The following AMACR variants were observed in gnomAD, a reference collection of about 807,000 sequenced individuals.
The protein encoded by AMACR is 2-methylacyl-CoA racemase.
Under a neutral mutation model 22.2 loss-of-function variants are expected in AMACR, and 18 were observed. The observed-to-expected ratio is 0.81, with a 90% confidence interval of 0.56 to 1.20. The LOEUF is 1.20. Ranked by LOEUF, AMACR falls within the 50% of genes most tolerant of loss-of-function variation. AMACR has a pLI of 0.00. For synonymous variants in AMACR, 213 were observed against 191.3 expected, an observed-to-expected ratio of 1.11 and a Z score of -0.94; for missense variants, 499 against 490.6, an observed-to-expected ratio of 1.02 and a Z score of -0.16.
Position 33,988,277 on chromosome 5 carries a change from CA to C in AMACR, c.*815del, listed in dbSNP as rs1468889530. 6.5e-7 allele frequency: 1 copy of C among 1,527,904 alleles called. No individual in the cohort carries two copies. The highest frequency in any genetic ancestry group is 2.0e-5 in the Admixed American group (1 of 50,958). 94.6% of individuals were successfully genotyped at this position (1,527,904 alleles called of 1,614,324 possible). A position where few individuals can be genotyped will look rare whatever the true frequency, so the allele number is the denominator to read the frequency against. The stretch of plus-strand genomic sequence containing the variant: ...TAACTTAACTCAGTCCAAGGAGACA[CA>C]AAACGACTTGCTGGGGGGTCCTGAG... On this transcript the variant is annotated 3_prime_UTR_variant, in exon 5 of 5. Transcript: ENST00000335606.
At chr5:33,999,861 C>T (rs998370124) in intron 3 of AMACR, among the ~76,000 whole-genome samples, 13 of 152,312 alleles carry the variant, frequency 8.5e-5, no homozygotes, top group African/African-American at 2.6e-4. Flanking sequence ...AAGTGGCCTA[C>T]GGCAGTGCCT....
chr5:34,000,131 A>G (rs183057742), intron 3 of AMACR, among the ~76,000 whole-genome samples: 3 of 152,346 alleles, frequency 2.0e-5, no homozygotes, highest in African/African-American at 4.8e-5. Flanking sequence ...TTGAAACACT[A>G]TTGAGGAAAA....
intron 4 of AMACR, among the ~76,000 whole-genome samples, chr5:33,992,140 A>G (rs1459763276): frequency 6.6e-6 from 1 of 152,010 alleles, no homozygotes; most frequent in Admixed American, 6.5e-5. Context: ...CGGCCTCCCA[A>G]AGTGCTGGGA....
intron 1 of AMACR, among the ~76,000 whole-genome samples, chr5:34,006,282 G>C (rs1753975473): frequency 6.6e-6 from 1 of 152,088 alleles, no homozygotes; most frequent in South Asian, 2.1e-4. Context: ...TTCCCTATCA[G>C]CTCATGAGCT....
intron 4 of AMACR, chr5:33,997,273 T>C: frequency 2.6e-6 from 2 of 772,384 alleles, no homozygotes; most frequent in Non-Finnish European, 4.8e-6. Flanking sequence ...ATTCCCACTA[T>C]TTAGTTTTCT....
chr5:34,007,695 G>GT (rs1754027726), intron 1 of AMACR, 78 bp downstream of exon 1: 1 of 1,460,478 alleles, frequency 6.8e-7, no homozygotes, highest in African/African-American at 1.4e-5. Flanking sequence ...GGTGTGGCGG[G>GT]TGCAGCCTCG....
chr5:33,993,682 T>A (rs1288210866), intron 4 of AMACR, among the ~76,000 whole-genome samples: 3 of 152,082 alleles, frequency 2.0e-5, no homozygotes, highest in Admixed American at 6.5e-5. Context: ...GCAGATCACT[T>A]GAGGTCAGGA....
At chr5:34,005,607 C>G in intron 2 of AMACR, 149 bp downstream of exon 2, 1 of 1,000,564 alleles carries the variant, frequency 1.0e-6, no homozygotes, top group Non-Finnish European at 1.4e-6. Context: ...TTTCAAGACT[C>G]AAACCGATCC....
At position 33,988,453 on chromosome 5, in the gene AMACR, C is replaced by T; in HGVS notation, c.*640G>A. 1.3e-6 allele frequency: 2 copies of T among 1,527,904 alleles called. No individual in the cohort carries two copies. Among genetic ancestry groups the T allele is most frequent in the Non-Finnish European group, 1.8e-6 (2 of 1,142,380 alleles). 94.6% of individuals were successfully genotyped at this position (1,527,904 alleles called of 1,614,324 possible). A position where few individuals can be genotyped will look rare whatever the true frequency, so the allele number is the denominator to read the frequency against. ...CCCGAGTTACTGGATACAGGCAACC[C>T]TAAAACTGACTGTCCCTCTGGACTC... On this transcript the variant is annotated 3_prime_UTR_variant, in exon 5 of 5. Transcript: ENST00000335606.
At chr5:33,989,524 T>C (rs1457468769) in intron 4 of AMACR, 22 bp from the exon 5 acceptor site, 2 of 1,583,392 alleles carry the variant, frequency 1.3e-6, no homozygotes, top group Admixed American at 3.3e-5. Flanking sequence ...TACAATTTCC[T>C]AAATTATTAT....
intron 3 of AMACR, among the ~76,000 whole-genome samples, chr5:34,000,227 C>T (rs1051201587): frequency 6.6e-6 from 1 of 152,212 alleles, no homozygotes; most frequent in Admixed American, 6.5e-5. Flanking sequence ...TAAGCAAGTG[C>T]CTGCTTTCCG....
At chr5:33,997,411 A>C (rs1198514928) in intron 4 of AMACR, 1 of 777,984 alleles carries the variant, frequency 1.3e-6, no homozygotes, top group Admixed American at 1.7e-5. Flanking sequence ...ACAAAACCCC[A>C]TGACTTGGGC....
At chr5:34,005,920 C>A in intron 1 of AMACR, 21 bp from the exon 2 acceptor site, 1 of 1,613,808 alleles carries the variant, frequency 6.2e-7, no homozygotes, top group Middle Eastern at 1.6e-4. Flanking sequence ...AAGTAACGAT[C>A]TTCTTAAGAG....
At chr5:33,989,608 A>G in intron 4 of AMACR, 106 bp from the exon 5 acceptor site, 1 of 948,026 alleles carries the variant, frequency 1.1e-6, no homozygotes, top group East Asian at 2.6e-5. Flanking sequence ...AAGATGTTCT[A>G]TAAGGGCTTC....
intron 1 of AMACR, among the ~76,000 whole-genome samples, chr5:34,006,601 G>C (rs527989324): frequency 6.6e-6 from 1 of 152,122 alleles, no homozygotes; most frequent in African/African-American, 2.4e-5. Context: ...CTCCTCACCC[G>C]GAGGCTATAT....
At chr5:34,007,345 G>A (rs554099876) in intron 1 of AMACR, among the ~76,000 whole-genome samples, 2 of 152,318 alleles carry the variant, frequency 1.3e-5, no homozygotes, top group South Asian at 4.1e-4. Flanking sequence ...CGTTAGCCTG[G>A]GCCCGTGGAT....
chr5:33,998,621 G>A lies in AMACR; in HGVS notation c.739+20C>T. The stretch of plus-strand genomic sequence containing the variant: ...CCACAGCAAAAGGGGAACTGGGGGA[G>A]ACGCGTGAAGTTCACTTACCTTTGA... On this transcript the variant is annotated intron_variant, in intron 4 of 4. Coordinates refer to ENST00000335606, the MANE Select transcript of AMACR (RefSeq NM_014324.6). 1.3e-6 allele frequency: 2 copies of A among 1,586,248 alleles called. No homozygotes were observed. The highest frequency in any genetic ancestry group is 1.7e-6 in the Non-Finnish European group (2 of 1,164,410).
In AMACR at chr5:33,997,428, G is replaced by A. The variant is rs765416913; in HGVS notation, c.739+1213C>T. The stretch of plus-strand genomic sequence containing the variant: ...AAAACCCCATGACTTGGGCTGCAAC[G>A]ATGGCCATTGCTTCACACTGACGAG... On this transcript the variant is annotated intron_variant, in intron 4 of 4. Transcript: ENST00000335606. 4.1e-5 allele frequency: 32 copies of A among 778,126 alleles called. No individual in the cohort carries two copies. In the Middle Eastern group the frequency reaches 6.7e-4, roughly 16 times the overall value. 48.2% of individuals were successfully genotyped at this position (778,126 alleles called of 1,614,324 possible).
Position 34,007,920 on chromosome 5 carries a change from C to G in AMACR, c.100G>C (p.Val34Leu), listed in dbSNP as rs377618695. ...TCGTAGCGGGAGCCGGGCCGGTCCA[C>G]GCGTACCACACGCGCCCCGAAGTCA... is the stretch of plus-strand genomic sequence containing the variant. ...LADFGARVVR[V>L]DRPGSRYDVS... is the part of the protein sequence containing the mutation. The change falls in exon 1 of 5, where the codon GTG becomes CTG. Residue 34 changes from valine to leucine, a missense_variant. Coordinates refer to ENST00000335606, the MANE Select transcript of AMACR (RefSeq NM_014324.6). 124 of 1,608,742 alleles carry G rather than the reference C, an allele frequency of 7.7e-5. No homozygotes were observed. Among genetic ancestry groups the G allele is most frequent in the Non-Finnish European group, 9.6e-5 (113 of 1,179,054 alleles).
Sources: gnomAD v4.1 joint callset for allele counts (sites outside exome capture counted in the v4.1 genomes callset) on GRCh38, gnomAD v4.1.1 for gene constraint, MANE v1.5 for transcripts, NCBI Gene and HGNC (gene_info 2026-07-23, HGNC 2026-07-21) for gene names.